Variants in KCNV2 observed in about 807,000 individuals in gnomAD.
KCNV2 encodes potassium voltage-gated channel subfamily V member 2.
Under a neutral mutation model 37.0 loss-of-function variants are expected in KCNV2, and 65 were observed. The observed-to-expected ratio is 1.76, with a 90% CI of 1.44 to 2.16. KCNV2 has a LOEUF of 2.16. KCNV2 is among the 30% of genes most tolerant of loss of function. The probability of loss-of-function intolerance (pLI) is 0.00; values close to 1 mark genes in which losing one functional copy is unlikely to be tolerated. For synonymous variants in KCNV2, 518 were observed against 328.6 expected (o/e 1.58, Z -6.23); for missense variants, 1,232 against 766.7 (o/e 1.61, Z -7.17).
In KCNV2 at chr9:2,718,253, G is replaced by C. The variant is rs773293657; in HGVS notation, c.514G>C (p.Val172Leu). 29 of 1,612,908 alleles carry C rather than the reference G, an allele frequency of 1.8e-5. No homozygotes were observed. In the Admixed American group the frequency reaches 4.2e-4, roughly 23 times the overall value. ...TTTCTACCTGTCCGGGGTGCTGCTG[G>C]TGCTCGACGGGCTGTGTCCGCGCCG... ...YNFYLSGVLL[V>L]LDGLCPRRFL... The change falls in exon 1 of 2, where the codon GTG becomes CTG. Residue 172 changes from valine to leucine, a missense_variant. Coordinates refer to ENST00000382082, the MANE Select transcript of KCNV2 (RefSeq NM_133497.4).
rs1174092834 is a variant in KCNV2 at position 2,718,387 on chromosome 9, C to A, written c.648C>A (p.Ile216=). Residue 216 remains isoleucine (I), a synonymous_variant, in exon 1 of 2, where the codon ATC becomes ATA. Transcript: ENST00000382082. ...RRDELSERLK[I]QHELRAQAQV... ...ACGAGCTGAGCGAACGGCTCAAGAT[C>A]CAGCACGAGCTGCGCGCGCAGGCGC... 2.5e-6 allele frequency: 4 copies of A among 1,600,944 alleles called. No individual in the cohort carries two copies. Among genetic ancestry groups the A allele is most frequent in the East Asian group, 2.3e-5 (1 of 44,362 alleles).
intron 1 of KCNV2, among the ~76,000 whole-genome samples, chr9:2,728,897 G>GA (rs946188568): frequency 7.1e-6 from 1 of 141,792 alleles, no homozygotes; most frequent in African/African-American, 2.6e-5. Flanking sequence ...AAAAAAAAAA[G>GA]AAAAAAAGAA....
In KCNV2 at chr9:2,718,883, A is replaced by C; in HGVS notation, c.1144A>C (p.Met382Leu). ...VGQVLRVMRL[M>L]RIFRILKLAR... is the part of the protein sequence containing the mutation. ...TCAGGTGTTGCGCGTCATGCGCCTC[A>C]TGCGCATCTTCCGCATCCTCAAGCT... Residue 382 changes from methionine (M) to leucine (L), a missense_variant, in exon 1 of 2, where the codon ATG (methionine) becomes CTG (leucine). Physicochemically the swap from Met to Leu is conservative, Grantham distance 15. Coordinates refer to ENST00000382082, the MANE Select transcript of KCNV2 (RefSeq NM_133497.4). 6 of 1,608,968 alleles carry C rather than the reference A, an allele frequency of 3.7e-6. No homozygotes were observed. The highest frequency in any genetic ancestry group is 5.1e-6 in the Non-Finnish European group (6 of 1,179,970).
chr9:2,729,963 C>G lies in KCNV2; in HGVS notation c.*236C>G, dbSNP rs1820041628. ...TCTCAATGACGTTGATATTGAAAACCTGAGGGGAGCAACAGCTTAGATTTT... is the reference window on the plus strand; with the variant it reads ...TCTCAATGACGTTGATATTGAAAACGTGAGGGGAGCAACAGCTTAGATTTT... On this transcript the variant is annotated 3_prime_UTR_variant, in exon 2 of 2. Transcript: ENST00000382082. 1.9e-6 allele frequency: 1 copy of G among 519,548 alleles called. No homozygotes were observed. The highest frequency in any genetic ancestry group is 2.7e-5 in the South Asian group (1 of 36,456). The allele number at this position is 519,548 out of a possible 1,614,324, so 32.2% of individuals were successfully genotyped here.
chr9:2,728,858 A>G (rs1277011129), intron 1 of KCNV2, among the ~76,000 whole-genome samples: 1 of 151,142 alleles, frequency 6.6e-6, no homozygotes, highest in Non-Finnish European at 1.5e-5. Flanking sequence ...CCTAAGAGTT[A>G]GATGGTTTTC....
chr9:2,718,606 G>A lies in KCNV2; in HGVS notation c.867G>A (p.Ser289=), dbSNP rs765405789. The A allele has an allele frequency of 2.5e-6, 4 of 1,612,928 alleles. No individual in the cohort carries two copies. The highest frequency in any genetic ancestry group is 2.7e-5 in the African/African-American group (2 of 74,944). The change falls in exon 1 of 2, where the codon TCG becomes TCA. Residue 289 remains serine, a synonymous_variant. Coordinates refer to ENST00000382082, the MANE Select transcript of KCNV2 (RefSeq NM_133497.4). ...CCGTGGAGGAGATGCAGCAGCACTC[G>A]GGGCAGGGCGAGGGCGGCCCAGACC... ...LNTVEEMQQH[S]GQGEGGPDLR...
At position 2,718,224 on chromosome 9, in the gene KCNV2, A is replaced by G; in HGVS notation, c.485A>G (p.Tyr162Cys). ...DRDPAVFQLVYNFYLSGVLLV... is the reference protein window; with the variant it reads ...DRDPAVFQLVCNFYLSGVLLV... Reference sequence around the variant, plus strand: ...GACCCGGCCGTCTTCCAGCTGGTCTACAATTTCTACCTGTCCGGGGTGCTG... The same window carrying G: ...GACCCGGCCGTCTTCCAGCTGGTCTGCAATTTCTACCTGTCCGGGGTGCTG... Residue 162 changes from tyrosine to cysteine, a missense_variant, in exon 1 of 2, where the codon TAC (tyrosine) becomes TGC (cysteine). Tyr to Cys is a radical substitution (Grantham distance 194, BLOSUM62 -2). Transcript: ENST00000382082. The G allele has an allele frequency of 6.2e-7, 1 of 1,613,498 alleles. No homozygotes were observed. The highest frequency in any genetic ancestry group is 2.2e-5 in the East Asian group (1 of 44,870).
At position 2,717,857 on chromosome 9, in the gene KCNV2, C is replaced by T. The variant is rs759192531; in HGVS notation, c.118C>T (p.Gln40Ter). The change falls in exon 1 of 2, where the codon CAG (glutamine) becomes TAG (stop). Residue 40 changes from glutamine to a stop codon, truncating the protein, a stop_gained. Coordinates refer to ENST00000382082, the MANE Select transcript of KCNV2 (RefSeq NM_133497.4). LOFTEE classifies it high-confidence loss of function. ...CTCCCTGGGTGCCCGTTCCGGCTCC[C>T]AGGCCAGCATCCACGGCTGGACAGA... is the stretch of plus-strand genomic sequence containing the variant. ...ICSLGARSGS[Q>*]ASIHGWTEGN... is the part of the protein sequence containing the mutation. The T allele has an allele frequency of 3.1e-6, 5 of 1,614,200 alleles. No individual in the cohort carries two copies. Among genetic ancestry groups the T allele is most frequent in the Non-Finnish European group, 2.5e-6 (3 of 1,180,026 alleles).
chr9:2,721,881 C>T (rs1348137245), intron 1 of KCNV2, among the ~76,000 whole-genome samples: 1 of 151,986 alleles, frequency 6.6e-6, no homozygotes, highest in Non-Finnish European at 1.5e-5. Flanking sequence ...CATCTAAATG[C>T]ACCTGACTCA....
Position 2,718,356 on chromosome 9 carries a change from G to C in KCNV2, c.617G>C (p.Arg206Pro), listed in dbSNP as rs780813722. 2 of 1,599,144 alleles carry C rather than the reference G, an allele frequency of 1.3e-6. No homozygotes were observed. The highest frequency in any genetic ancestry group is 4.5e-5 in the East Asian group (2 of 44,360). ...TGCTGCCGCATCTGCTTCGAGGAGC[G>C]GCGCGACGAGCTGAGCGAACGGCTC... Reference protein sequence around the residue: ...PRCCRICFEERRDELSERLKI... With the variant: ...PRCCRICFEEPRDELSERLKI... The change falls in exon 1 of 2, where the codon CGG (arginine) becomes CCG (proline). Residue 206 changes from arginine to proline, a missense_variant. By Grantham distance (103) the Arg-to-Pro change is moderately radical. Transcript: ENST00000382082.
intron 1 of KCNV2, among the ~76,000 whole-genome samples, chr9:2,725,697 C>A (rs1819958407): frequency 6.6e-6 from 1 of 152,120 alleles, no homozygotes; most frequent in Non-Finnish European, 1.5e-5. Flanking sequence ...CTTTGGAAAA[C>A]AGAAAGAGTG....
intron 1 of KCNV2, among the ~76,000 whole-genome samples, chr9:2,725,812 A>C (rs1276628537): frequency 2.0e-5 from 3 of 152,224 alleles, no homozygotes; most frequent in Non-Finnish European, 2.9e-5. Flanking sequence ...TGAGGGAAAC[A>C]AACTTGTCTT....
chr9:2,720,852 T>C (rs1819854332), intron 1 of KCNV2, among the ~76,000 whole-genome samples: 1 of 152,208 alleles, frequency 6.6e-6, no homozygotes, highest in Non-Finnish European at 1.5e-5. Context: ...GAAAAAATTT[T>C]AATTAAAATA....
Position 2,717,647 on chromosome 9 carries a change from G to C in KCNV2, c.-93G>C, listed in dbSNP as rs1330711783. ...GGGCTGGCCTCTCTAAGACAGTGCA[G>C]GCCACGTGATCCATCCTCCTAGAGG... On this transcript the variant is annotated 5_prime_UTR_variant, in exon 1 of 2. Coordinates refer to ENST00000382082, the MANE Select transcript of KCNV2 (RefSeq NM_133497.4). 1.9e-6 allele frequency: 3 copies of C among 1,538,748 alleles called. No individual in the cohort carries two copies. In the Admixed American group the frequency reaches 5.0e-5, roughly 26 times the overall value.
At chr9:2,722,088 TTTATAAATAAATTAGAAG>T (rs1195626969) in intron 1 of KCNV2, among the ~76,000 whole-genome samples, 4 of 141,928 alleles carry the variant, frequency 2.8e-5, no homozygotes, top group African/African-American at 1.1e-4. Context: ...TTAGAAGTTA[TTTATAAATAAATTAGAAG>T]TTATTTATAA....
chr9:2,719,035 G>A lies in KCNV2; in HGVS notation c.1296G>A (p.Val432=), dbSNP rs776710119. The part of the protein sequence containing the change: ...IFTFSAAVYS[V]EHDVPSTNFT... Reference sequence around the variant, plus strand: ...CTTTCTCTGCGGCTGTCTACTCTGTGGAGCACGATGTGCCCAGCACCAACT... The same window carrying A: ...CTTTCTCTGCGGCTGTCTACTCTGTAGAGCACGATGTGCCCAGCACCAACT... The change falls in exon 1 of 2, where the codon GTG becomes GTA. Residue 432 remains valine, a synonymous_variant. Coordinates refer to ENST00000382082, the MANE Select transcript of KCNV2 (RefSeq NM_133497.4). 13 of 1,612,836 alleles carry A rather than the reference G, an allele frequency of 8.1e-6. No homozygotes were observed. The Admixed American group carries it at 8.3e-5, about 10-fold the overall frequency.
intron 1 of KCNV2, among the ~76,000 whole-genome samples, chr9:2,727,745 C>T (rs1819992219): frequency 6.6e-6 from 1 of 152,184 alleles, no homozygotes; most frequent in Non-Finnish European, 1.5e-5. Context: ...ATTGCTTACA[C>T]ACCCTGTGCC....
intron 1 of KCNV2, among the ~76,000 whole-genome samples, chr9:2,728,644 TGA>T (rs1010469386): frequency 2.6e-5 from 4 of 152,178 alleles, no homozygotes; most frequent in Non-Finnish European, 5.9e-5. Flanking sequence ...TACAAAATAA[TGA>T]GAGTGTTTCT....
Position 2,718,762 on chromosome 9 carries a change from G to C in KCNV2, c.1023G>C (p.Val341=), listed in dbSNP as rs977830892. The C allele has an allele frequency of 6.2e-7, 1 of 1,611,602 alleles. No homozygotes were observed. The highest frequency in any genetic ancestry group is 8.5e-7 in the Non-Finnish European group (1 of 1,179,888). Residue 341 remains valine (V), a synonymous_variant, in exon 1 of 2, where the codon GTG becomes GTC. Coordinates refer to ENST00000382082, the MANE Select transcript of KCNV2 (RefSeq NM_133497.4). ...ARSALNLVDL[V]AILPLYLQLL... Reference sequence around the variant, plus strand: ...GCGCCCTCAACCTGGTGGACCTGGTGGCCATCCTGCCGCTCTACCTTCAGC... The same window carrying C: ...GCGCCCTCAACCTGGTGGACCTGGTCGCCATCCTGCCGCTCTACCTTCAGC...
Sources: gnomAD v4.1 joint callset for allele counts (sites outside exome capture counted in the v4.1 genomes callset) on GRCh38, gnomAD v4.1.1 for gene constraint, MANE v1.5 for transcripts, NCBI Gene and HGNC (gene_info 2026-07-23, HGNC 2026-07-21) for gene names.